Variants in ZNF24 observed in about 807,000 individuals in gnomAD.
The protein encoded by ZNF24 is zinc finger protein 24.
ZNF24 carries 11 observed loss-of-function variants against 40.9 expected under a neutral mutation model. The observed-to-expected ratio is 0.27, with a 90% confidence interval of 0.17 to 0.45. The LOEUF (loss-of-function observed/expected upper bound fraction) is 0.45. ZNF24 is among the 20% of genes least tolerant of loss of function. The probability of loss-of-function intolerance (pLI) is 1.00; values close to 1 mark genes in which losing one functional copy is unlikely to be tolerated. For missense variants in ZNF24, 293 were observed against 437.7 expected, an observed-to-expected ratio of 0.67 and a Z score of 2.95; for synonymous variants, 139 against 154.7, an observed-to-expected ratio of 0.90 and a Z score of 0.75.
At chr18:35,337,906 T>G (rs1442156888) in intron 3 of ZNF24, 136 bp from the exon 4 acceptor site, 1 of 681,274 alleles carries the variant, frequency 1.5e-6, no homozygotes, top group Non-Finnish European at 2.2e-6. Context: ...TTAAGGCCTA[T>G]TCTCAAAAAA....
At chr18:35,341,401 T>G (rs1407196426) in intron 1 of ZNF24, among the ~76,000 whole-genome samples, 2 of 152,106 alleles carry the variant, frequency 1.3e-5, no homozygotes, top group African/African-American at 2.4e-5. Flanking sequence ...GTATGGTACA[T>G]AAAACTTGAT....
chr18:35,341,114 TACTC>T (rs2044964775), intron 1 of ZNF24, among the ~76,000 whole-genome samples: 1 of 152,210 alleles, frequency 6.6e-6, no homozygotes, highest in Non-Finnish European at 1.5e-5. Context: ...TAATTGTACT[TACTC>T]ATACTTCACG....
chr18:35,332,410 G>A lies in ZNF24; in HGVS notation c.*4822C>T, dbSNP rs1331840803. 3.3e-5 allele frequency: 5 copies of A among 152,234 alleles called. No homozygotes were observed. Among genetic ancestry groups the A allele is most frequent in the Non-Finnish European group, 5.9e-5 (4 of 68,038 alleles). 9.4% of individuals were successfully genotyped at this position (152,234 alleles called of 1,614,324 possible). On this transcript the variant is annotated 3_prime_UTR_variant, in exon 4 of 4. Coordinates refer to ENST00000261332, the MANE Select transcript of ZNF24 (RefSeq NM_006965.4). ...ATTGGCTCACAAAACTTTAAAGTCC[G>A]GAGGTAGGGCAGGCTTTAGGCACAG...
rs1355410390 is a variant in ZNF24 at position 35,336,603 on chromosome 18, T to C, written c.*629A>G. The C allele has an allele frequency of 4.6e-5, 7 of 152,194 alleles. No individual in the cohort carries two copies. In the East Asian group the frequency reaches 1.2e-3, roughly 25 times the overall value. The allele number at this position is 152,194 out of a possible 1,614,324, so 9.4% of individuals were successfully genotyped here. A position where few individuals can be genotyped will look rare whatever the true frequency, so the allele number is the denominator to read the frequency against. ...AGGCAAAATATAAATTCTTGATACA[T>C]TTCAATTCTTAGATCAAAGTATTTG... On this transcript the variant is annotated 3_prime_UTR_variant, in exon 4 of 4. Transcript: ENST00000261332.
Position 35,333,920 on chromosome 18 carries a change from T to C in ZNF24, c.*3312A>G, listed in dbSNP as rs772283066. 2 of 152,176 alleles carry C rather than the reference T, an allele frequency of 1.3e-5. No individual in the cohort carries two copies. The highest frequency in any genetic ancestry group is 2.9e-5 in the Non-Finnish European group (2 of 68,054). The allele number at this position is 152,176 out of a possible 1,614,324, so 9.4% of individuals were successfully genotyped here. The stretch of plus-strand genomic sequence containing the variant: ...AGTATATAGTTATGAAAAAAGAACA[T>C]CTTCAATGTGGGGGGAGAGGAGGCA... On this transcript the variant is annotated 3_prime_UTR_variant, in exon 4 of 4. Transcript: ENST00000261332.
At chr18:35,342,125 G>C (rs886364274) in intron 1 of ZNF24, among the ~76,000 whole-genome samples, 2 of 152,086 alleles carry the variant, frequency 1.3e-5, no homozygotes, top group Non-Finnish European at 2.9e-5. Flanking sequence ...GAACCCGCGA[G>C]GTGGAGGCTG....
intron 3 of ZNF24, 145 bp from the exon 4 acceptor site, chr18:35,337,915 A>C (rs1029867801): frequency 3.1e-6 from 2 of 655,462 alleles, no homozygotes; most frequent in African/African-American, 3.6e-5. Flanking sequence ...ATTCTCAAAA[A>C]AGAAAAAATG....
intron 3 of ZNF24, chr18:35,338,731 C>A: frequency 5.9e-6 from 7 of 1,176,780 alleles, no homozygotes; most frequent in Non-Finnish European, 7.4e-6. Flanking sequence ...AACAGAGGAG[C>A]GTGAAGATTA....
intron 1 of ZNF24, among the ~76,000 whole-genome samples, 193 bp downstream of exon 1, chr18:35,344,167 C>T (rs1284887576): frequency 6.6e-6 from 1 of 152,146 alleles, no homozygotes; most frequent in Non-Finnish European, 1.5e-5. Flanking sequence ...CTGCAAATGC[C>T]GAAGACCCAA....
rs2044878141 is a variant in ZNF24 at position 35,333,663 on chromosome 18, C to A, written c.*3569G>T. 6.6e-6 allele frequency: 1 copy of A among 152,138 alleles called. No individual in the cohort carries two copies. The highest frequency in any genetic ancestry group is 6.5e-5 in the Admixed American group (1 of 15,274). The allele number at this position is 152,138 out of a possible 1,614,324, so 9.4% of individuals were successfully genotyped here. A position where few individuals can be genotyped will look rare whatever the true frequency, so the allele number is the denominator to read the frequency against. ...GGTTGGCAGACTATAGGCAAACAGGCATTCTTACTAATGATGGAGTTGTAA... is the reference window on the plus strand; with the variant it reads ...GGTTGGCAGACTATAGGCAAACAGGAATTCTTACTAATGATGGAGTTGTAA... On this transcript the variant is annotated 3_prime_UTR_variant, in exon 4 of 4. Coordinates refer to ENST00000261332, the MANE Select transcript of ZNF24 (RefSeq NM_006965.4).
In ZNF24 at chr18:35,339,984, C is replaced by A; in HGVS notation, c.421-8G>T. On this transcript the variant is annotated splice_polypyrimidine_tract_variant and splice_region_variant and intron_variant, in intron 2 of 3. Coordinates refer to ENST00000261332, the MANE Select transcript of ZNF24 (RefSeq NM_006965.4). ...TCGTCGACGGAGAGAAACCTGGAAA[C>A]AGAAAGATTTGATTCAGAGAAGGAA... 6.2e-7 allele frequency: 1 copy of A among 1,604,268 alleles called. No individual in the cohort carries two copies.
In ZNF24 at chr18:35,340,194, G is replaced by A. The variant is rs778862682; in HGVS notation, c.420+37C>T. ...GCAGCTTTGCCTACTACCTATGCCA[G>A]TGCTTCTGACACAGGAAATGACACA... On this transcript the variant is annotated intron_variant, in intron 2 of 3. Coordinates refer to ENST00000261332, the MANE Select transcript of ZNF24 (RefSeq NM_006965.4). The surrounding 1 kb of genome is among the most constrained non-coding windows in gnomAD (Gnocchi z 4.6). 6.3e-7 allele frequency: 1 copy of A among 1,597,710 alleles called. No individual in the cohort carries two copies. Among genetic ancestry groups the A allele is most frequent in the Non-Finnish European group, 8.6e-7 (1 of 1,168,526 alleles).
chr18:35,338,464 C>CA, intron 3 of ZNF24: 1 of 985,358 alleles, frequency 1.0e-6, no homozygotes, highest in South Asian at 4.7e-5. Context: ...GAAACGTGTC[C>CA]AATGAAAGAA....
chr18:35,337,795 A>T, intron 3 of ZNF24, 25 bp from the exon 4 acceptor site: 1 of 1,513,006 alleles, frequency 6.6e-7, no homozygotes, highest in Non-Finnish European at 8.8e-7. Flanking sequence ...AAATGTAAAT[A>T]TCATTCATTA....
Position 35,340,661 on chromosome 18 carries a change from A to G in ZNF24, c.-11T>C, listed in dbSNP as rs1320519044. On this transcript the variant is annotated 5_prime_UTR_variant, in exon 2 of 4. Transcript: ENST00000261332. The surrounding 1 kb of genome is among the most constrained non-coding windows in gnomAD (Gnocchi z 4.6). ...TGACTGTGCAGACATTCTGATTTAT[A>G]ATATTTCAAGAAAAGACAACTGAGG... is the stretch of plus-strand genomic sequence containing the variant. 3.7e-6 allele frequency: 6 copies of G among 1,604,976 alleles called. No individual in the cohort carries two copies. The highest frequency in any genetic ancestry group is 5.1e-6 in the Non-Finnish European group (6 of 1,176,260).
chr18:35,339,743 C>T, intron 3 of ZNF24, 86 bp downstream of exon 3: 1 of 1,245,484 alleles, frequency 8.0e-7, no homozygotes, highest in Non-Finnish European at 1.1e-6. Context: ...GATATGATCC[C>T]CCCACCAGTG....
rs2044873588 is a variant in ZNF24, at chr18:35,333,199, A to C, written c.*4033T>G. The C allele has an allele frequency of 6.6e-6, 1 of 152,244 alleles. No individual in the cohort carries two copies. The allele number at this position is 152,244 out of a possible 1,614,324, so 9.4% of individuals were successfully genotyped here. On this transcript the variant is annotated 3_prime_UTR_variant, in exon 4 of 4. Coordinates refer to ENST00000261332, the MANE Select transcript of ZNF24 (RefSeq NM_006965.4). ...ATGTAATAGCGAGAGGAAAAAAATT[A>C]AGGGAATAAATAATGGCATTTTCAT...
In ZNF24 at chr18:35,340,210, A is replaced by G. The variant is rs1471097448; in HGVS notation, c.420+21T>C. The G allele has an allele frequency of 6.2e-7, 1 of 1,604,522 alleles. No homozygotes were observed. Among genetic ancestry groups the G allele is most frequent in the African/African-American group, 1.3e-5 (1 of 74,768 alleles). ...CCTATGCCAGTGCTTCTGACACAGGAAATGACACAAGCAGGCTCACCGGTT... is the reference window on the plus strand; with the variant it reads ...CCTATGCCAGTGCTTCTGACACAGGGAATGACACAAGCAGGCTCACCGGTT... On this transcript the variant is annotated intron_variant, in intron 2 of 3. Transcript: ENST00000261332. This position sits in a 1 kb window ranked among gnomAD's most constrained non-coding sequence, Gnocchi z 4.6.
At chr18:35,342,569 A>G (rs919854275) in intron 1 of ZNF24, 3 of 151,468 alleles carry the variant, frequency 2.0e-5, no homozygotes, top group African/African-American at 7.3e-5. Context: ...ATTTTATATC[A>G]TATTTTACTC....
Sources: allele counts gnomAD v4.1 joint callset (sites outside exome capture counted in the v4.1 genomes callset), GRCh38; gene constraint gnomAD v4.1.1; non-coding constraint Gnocchi (gnomAD v3.1); transcripts MANE v1.5; gene names NCBI Gene and HGNC (gene_info 2026-07-23, HGNC 2026-07-21).